FTO: variants seen among roughly 807,000 people sequenced by gnomAD.
FTO encodes the protein alpha-ketoglutarate-dependent dioxygenase FTO.
In FTO, 47 loss-of-function variants were observed where a neutral mutation model predicts 63.9. That is an observed-to-expected ratio of 0.74 (90% CI 0.58 to 0.94). FTO has a LOEUF of 0.94. FTO is among the 40% of genes least tolerant of loss of function. FTO has a pLI of 0.00. For missense variants in FTO, 562 were observed against 618.1 expected (o/e 0.91, Z 0.96); for synonymous variants, 207 against 224.4 (o/e 0.92, Z 0.69).
intron 7 of FTO, among the ~76,000 whole-genome samples, chr16:53,907,073 C>T (rs2081557278): frequency 6.6e-6 from 1 of 152,182 alleles, no homozygotes; most frequent in African/African-American, 2.4e-5. Context: ...TAATCATACT[C>T]CTCTCTGTGT....
intron 8 of FTO, among the ~76,000 whole-genome samples, chr16:53,962,389 G>A (rs1200627978): frequency 2.0e-5 from 3 of 152,086 alleles, no homozygotes; most frequent in Non-Finnish European, 2.9e-5. Context: ...ACATAGCAGG[G>A]CTCTGTCAAT....
intron 8 of FTO, among the ~76,000 whole-genome samples, chr16:54,097,164 A>G (rs2086533514): frequency 6.6e-6 from 1 of 152,164 alleles, no homozygotes; most frequent in African/African-American, 2.4e-5. Context: ...GTCTAACTCA[A>G]GCCCTCATTG....
intron 1 of FTO, among the ~76,000 whole-genome samples, chr16:53,716,241 A>G (rs957270272): frequency 3.3e-5 from 5 of 152,210 alleles, no homozygotes; most frequent in African/African-American, 1.2e-4. Context: ...TAGTCAAAGG[A>G]AAGTTTTCCA....
intron 8 of FTO, among the ~76,000 whole-genome samples, chr16:54,053,571 A>G (rs745648860): frequency 2.6e-5 from 4 of 152,184 alleles, no homozygotes; most frequent in Non-Finnish European, 4.4e-5. Flanking sequence ...CTTCTCACAT[A>G]TATTCCTCAG....
At chr16:53,921,494 G>T (rs1290643070) in intron 7 of FTO, among the ~76,000 whole-genome samples, 1 of 152,186 alleles carries the variant, frequency 6.6e-6, no homozygotes, top group African/African-American at 2.4e-5. Flanking sequence ...TTAGGACAAC[G>T]AACAGATTAG....
rs1357580044 is a variant in FTO at position 53,796,033 on chromosome 16, T to TTTTC, written c.46-14091_46-14088dup. On this transcript the variant is annotated intron_variant, in intron 1 of 8. Transcript: ENST00000471389. Reference sequence around the variant, plus strand: ...GAAACCAGAAGTAAGGTTTTGTTTTTTTTCTTTCTTTCTTTCTTTTTTTTT... The same window carrying TTTTC: ...GAAACCAGAAGTAAGGTTTTGTTTTTTTTCTTTCTTTCTTTCTTTCTTTTTTTTT... 2.1e-3 allele frequency among the ~76,000 whole-genome samples: 305 copies of TTTTC among 144,650 alleles called. 9 individuals carry two copies. The highest frequency in any genetic ancestry group is 3.8e-3 in the South Asian group (17 of 4,418). 94.9% of individuals were successfully genotyped at this position (144,650 alleles called of 152,430 possible). A position where few individuals can be genotyped will look rare whatever the true frequency, so the allele number is the denominator to read the frequency against.
intron 1 of FTO, among the ~76,000 whole-genome samples, chr16:53,807,377 C>A (rs1261833370): frequency 6.6e-6 from 1 of 152,150 alleles, no homozygotes; most frequent in Admixed American, 6.5e-5. Context: ...TTATAAGTTA[C>A]AATGTTTTAT....
At chr16:53,939,673 A>G (rs995842577) in intron 8 of FTO, among the ~76,000 whole-genome samples, 13 of 152,050 alleles carry the variant, frequency 8.5e-5, no homozygotes, top group African/African-American at 2.7e-4. Flanking sequence ...ATCTCTACAG[A>G]TTTGCCTATT....
Position 54,008,807 on chromosome 16 carries a change from ATAATAATAATAATAATAAT to A in FTO, c.1364+74699_1364+74717del, listed in dbSNP as rs1277826981. Among the ~76,000 whole-genome samples, 4 of 1,314 alleles carry A rather than the reference ATAATAATAATAATAATAAT, an allele frequency of 3.0e-3. No individual in the cohort carries two copies. In the African/African-American group the frequency reaches 0.042, roughly 14 times the overall value. 0.9% of individuals were successfully genotyped at this position (1,314 alleles called of 152,430 possible). A position where few individuals can be genotyped will look rare whatever the true frequency, so the allele number is the denominator to read the frequency against. ...ACCAAGTGAGACCCTGTCTCCACAAATAATAATAATAATAATAATAATAATAATAATAATAATAATAATA... is the reference window on the plus strand; with the variant it reads ...ACCAAGTGAGACCCTGTCTCCACAAAAATAATAATAATAATAATAATAATA... On this transcript the variant is annotated intron_variant, in intron 8 of 8. Transcript: ENST00000471389.
chr16:53,951,654 A>G (rs1599070450), intron 8 of FTO, among the ~76,000 whole-genome samples: 2 of 145,868 alleles, frequency 1.4e-5, no homozygotes, highest in Non-Finnish European at 1.5e-5. Context: ...CATGCACTCT[A>G]TTATTATTAA....
At chr16:53,965,256 A>G (rs565940876) in intron 8 of FTO, among the ~76,000 whole-genome samples, 38 of 152,194 alleles carry the variant, frequency 2.5e-4, no homozygotes, top group African/African-American at 9.2e-4. Context: ...TTGTATTTTT[A>G]GTAGAGACGG....
intron 8 of FTO, among the ~76,000 whole-genome samples, chr16:53,976,192 C>T (rs1183754868): frequency 1.3e-5 from 2 of 152,130 alleles, no homozygotes; most frequent in African/African-American, 4.8e-5. Flanking sequence ...TTAAGATCAA[C>T]TTTCTTTAAA....
chr16:54,002,899 C>A (rs1414608846), intron 8 of FTO, among the ~76,000 whole-genome samples: 5 of 152,160 alleles, frequency 3.3e-5, no homozygotes, highest in African/African-American at 1.2e-4. Context: ...AAAGCACAGG[C>A]TTTTGTTGAC....
chr16:53,999,515 G>A (rs2084020110), intron 8 of FTO, among the ~76,000 whole-genome samples: 1 of 152,202 alleles, frequency 6.6e-6, no homozygotes. Context: ...AGAAAGGAAA[G>A]AGTAGAATTT....
intron 1 of FTO, among the ~76,000 whole-genome samples, chr16:53,795,592 AG>A (rs1485084213): frequency 2.0e-5 from 3 of 152,318 alleles, no homozygotes; most frequent in African/African-American, 7.2e-5. Flanking sequence ...TACAGGCATG[AG>A]CCTCTATACC....
At chr16:53,856,570 T>G (rs1363365111) in intron 4 of FTO, among the ~76,000 whole-genome samples, 1 of 151,996 alleles carries the variant, frequency 6.6e-6, no homozygotes, top group Non-Finnish European at 1.5e-5. Context: ...GGCAACATGG[T>G]GAAAGGCTGT....
chr16:53,969,447 T>G (rs991381461), intron 8 of FTO, among the ~76,000 whole-genome samples: 1 of 152,124 alleles, frequency 6.6e-6, no homozygotes, highest in Non-Finnish European at 1.5e-5. Flanking sequence ...AATTACTTGC[T>G]TATTTTTTGG....
chr16:53,747,417 A>AT (rs1400662756), intron 1 of FTO, among the ~76,000 whole-genome samples: 1 of 151,974 alleles, frequency 6.6e-6, no homozygotes, highest in African/African-American at 2.4e-5. Flanking sequence ...TGTGGTTTTA[A>AT]TTTGCATTTC....
chr16:54,108,492 C>G (rs577096704), intron 8 of FTO, among the ~76,000 whole-genome samples: 1 of 152,262 alleles, frequency 6.6e-6, no homozygotes, highest in African/African-American at 2.4e-5. Flanking sequence ...CAGAGCTGCT[C>G]CTGTATCCCC....
Sources: gnomAD v4.1 joint callset for allele counts (sites outside exome capture counted in the v4.1 genomes callset) on GRCh38, gnomAD v4.1.1 for gene constraint, MANE v1.5 for transcripts, NCBI Gene and HGNC (gene_info 2026-07-23, HGNC 2026-07-21) for gene names.